The following RAD51B variants were observed in gnomAD, a reference collection of about 807,000 sequenced individuals.
RAD51B encodes DNA repair protein RAD51 homolog 2.
In RAD51B, 38 loss-of-function variants were observed where a neutral mutation model predicts 42.2. The ratio of observed to expected loss-of-function variants is 0.90; its 90% CI spans 0.70 to 1.18. The LOEUF (loss-of-function observed/expected upper bound fraction) is 1.18. Ranked by LOEUF, RAD51B falls within the 50% of genes most tolerant of loss-of-function variation. RAD51B has a pLI of 0.00. For missense variants in RAD51B, 373 were observed against 400.7 expected (o/e 0.93, Z 0.59); for synonymous variants, 154 against 145.2 (o/e 1.06, Z -0.43).
chr14:68,510,826 C>T (rs1312705219), intron 10 of RAD51B, among the ~76,000 whole-genome samples: 8 of 152,088 alleles, frequency 5.3e-5, no homozygotes, highest in African/African-American at 1.9e-4. Flanking sequence ...TACCTAGGAT[C>T]ATTGAAAAGA....
chr14:67,883,328 C>CA (rs77921123), intron 5 of RAD51B, among the ~76,000 whole-genome samples: 8,534 of 119,616 alleles, frequency 0.071, 549 homozygotes, highest in African/African-American at 0.19. Context: ...ACCACTTTAG[C>CA]AAAAAAAAAA....
intron 4 of RAD51B, among the ~76,000 whole-genome samples, chr14:67,852,324 C>T (rs1029183604): frequency 6.6e-6 from 1 of 152,210 alleles, no homozygotes; most frequent in African/African-American, 2.4e-5. Flanking sequence ...AAAAACCTGG[C>T]CTCCCTTGGT....
intron 7 of RAD51B, among the ~76,000 whole-genome samples, chr14:68,192,101 T>C (rs2079279286): frequency 6.6e-6 from 1 of 152,194 alleles, no homozygotes; most frequent in South Asian, 2.1e-4. Flanking sequence ...CAGACATCTC[T>C]CTTCAATTCA....
At chr14:68,013,110 A>G (rs2075712685) in intron 7 of RAD51B, among the ~76,000 whole-genome samples, 7 of 152,098 alleles carry the variant, frequency 4.6e-5, no homozygotes. Flanking sequence ...CTCAAAGGCT[A>G]GGCACTATAA....
chr14:68,532,342 G>T (rs149967710), intron 10 of RAD51B, among the ~76,000 whole-genome samples: 1 of 151,850 alleles, frequency 6.6e-6, no homozygotes, highest in African/African-American at 2.4e-5. Context: ...TAGCAGGGCT[G>T]CTCCAGAAAA....
At chr14:68,615,223 A>G (rs1309836519), downstream of RAD51B, among the ~76,000 whole-genome samples, 4 of 152,210 alleles carry the variant, frequency 2.6e-5, no homozygotes, top group Admixed American at 1.3e-4. Context: ...TGAAATGTAT[A>G]TATTCAAACT....
At chr14:68,366,999 G>A (rs1044485580) in intron 8 of RAD51B, among the ~76,000 whole-genome samples, 3 of 152,254 alleles carry the variant, frequency 2.0e-5, no homozygotes, top group Non-Finnish European at 2.9e-5. Flanking sequence ...TAACTTCAGT[G>A]TATAAATGAG....
intron 11 of RAD51B, among the ~76,000 whole-genome samples, chr14:68,657,057 G>A (rs1892831359): frequency 6.6e-6 from 1 of 152,218 alleles, no homozygotes; most frequent in South Asian, 2.1e-4. Context: ...CTACAAAGAT[G>A]GAATGTTCTA....
At chr14:68,374,127 C>T (rs1446298347) in intron 8 of RAD51B, among the ~76,000 whole-genome samples, 1 of 152,116 alleles carries the variant, frequency 6.6e-6, no homozygotes, top group Non-Finnish European at 1.5e-5. Context: ...CACACAACTC[C>T]CATATAGTCA....
downstream of RAD51B, among the ~76,000 whole-genome samples, chr14:68,614,589 T>C (rs538258154): frequency 3.3e-5 from 5 of 152,364 alleles, no homozygotes; most frequent in African/African-American, 1.2e-4. Context: ...TTCTGGACAT[T>C]TCATATAAAT....
At chr14:68,277,761 CAG>C (rs1291470594) in intron 7 of RAD51B, among the ~76,000 whole-genome samples, 1 of 152,052 alleles carries the variant, frequency 6.6e-6, no homozygotes, top group Non-Finnish European at 1.5e-5. Flanking sequence ...GTTTTTGAGA[CAG>C]AGTCTCGCTT....
At chr14:67,847,995 A>C (rs934829081) in intron 4 of RAD51B, among the ~76,000 whole-genome samples, 1 of 152,158 alleles carries the variant, frequency 6.6e-6, no homozygotes, top group Non-Finnish European at 1.5e-5. Context: ...TAGGATAGTT[A>C]AATCTTCCTG....
At chr14:68,311,676 C>G (rs1281875354) in intron 8 of RAD51B, among the ~76,000 whole-genome samples, 3 of 152,140 alleles carry the variant, frequency 2.0e-5, no homozygotes, top group Admixed American at 6.5e-5. Context: ...ATCACTAGGT[C>G]AGAAGTTCAA....
intron 7 of RAD51B, among the ~76,000 whole-genome samples, chr14:68,169,226 A>G (rs1382108094): frequency 6.6e-6 from 1 of 152,142 alleles, no homozygotes; most frequent in East Asian, 1.9e-4. Context: ...TGGGAGAAGC[A>G]TGGTTTCAGA....
chr14:68,190,568 A>G (rs2079244855), intron 7 of RAD51B, among the ~76,000 whole-genome samples: 1 of 152,112 alleles, frequency 6.6e-6, no homozygotes, highest in Admixed American at 6.5e-5. Context: ...TCTTCCATTA[A>G]TTAATCAATA....
chr14:68,479,229 A>C (rs982582692), downstream of RAD51B, among the ~76,000 whole-genome samples: 4 of 152,146 alleles, frequency 2.6e-5, no homozygotes, highest in African/African-American at 7.2e-5. Context: ...TTAATCAGGA[A>C]ATATACATTT....
chr14:68,437,936 A>G (rs1463512120), intron 9 of RAD51B, among the ~76,000 whole-genome samples: 1 of 152,162 alleles, frequency 6.6e-6, no homozygotes, highest in African/African-American at 2.4e-5. Context: ...ACTGAGGAAG[A>G]TGTTTGAACA....
intron 7 of RAD51B, among the ~76,000 whole-genome samples, chr14:67,983,514 A>G (rs1044056281): frequency 6.6e-6 from 1 of 152,214 alleles, no homozygotes; most frequent in Non-Finnish European, 1.5e-5. Flanking sequence ...GACAATGTAC[A>G]AAAGTTATAC....
At chr14:68,188,445 T>C (rs949347971) in intron 7 of RAD51B, among the ~76,000 whole-genome samples, 1 of 151,898 alleles carries the variant, frequency 6.6e-6, no homozygotes, top group Non-Finnish European at 1.5e-5. Context: ...TTTCTTCTTC[T>C]TTTAGGTAAG....
Sources: gnomAD v4.1 joint callset for allele counts (sites outside exome capture counted in the v4.1 genomes callset) on GRCh38, gnomAD v4.1.1 for gene constraint, MANE v1.5 for transcripts, NCBI Gene and HGNC (gene_info 2026-07-23, HGNC 2026-07-21) for gene names.